The following JHY variants were observed in gnomAD, a reference collection of about 807,000 sequenced individuals.
The protein encoded by JHY is jhy protein homolog.
In JHY, 69 loss-of-function variants were observed where a neutral mutation model predicts 78.0. That is an observed-to-expected ratio of 0.88 (90% CI 0.73 to 1.08). JHY has a LOEUF of 1.08. Ranked by LOEUF, JHY falls within the 50% of genes least tolerant of loss-of-function variation. The pLI, the probability that JHY is intolerant of heterozygous loss-of-function variation, is 0.00. For missense variants in JHY, 944 were observed against 927.8 expected (o/e 1.02, Z -0.23); for synonymous variants, 368 against 342.6 (o/e 1.07, Z -0.82).
intron 2 of JHY, among the ~76,000 whole-genome samples, chr11:122,900,291 C>T (rs1477731191): frequency 6.6e-6 from 1 of 152,144 alleles, no homozygotes; most frequent in Non-Finnish European, 1.5e-5. Context: ...CCTGGGTCCA[C>T]ATTAAGAAAA....
At chr11:122,939,498 G>A (rs540352913) in intron 5 of JHY, among the ~76,000 whole-genome samples, 4 of 152,190 alleles carry the variant, frequency 2.6e-5, no homozygotes, top group African/African-American at 7.2e-5. Flanking sequence ...CTCTGCTTCC[G>A]AAATATTTGC....
intron 4 of JHY, among the ~76,000 whole-genome samples, chr11:122,929,702 A>G (rs911689748): frequency 2.0e-5 from 3 of 152,166 alleles, no homozygotes; most frequent in Non-Finnish European, 2.9e-5. Context: ...AATACCAAAA[A>G]TACAAACAAT....
Position 122,924,898 on chromosome 11 carries a change from T to C in JHY, c.866T>C (p.Ile289Thr), listed in dbSNP as rs992483293. 6.2e-7 allele frequency: 1 copy of C among 1,611,230 alleles called. No homozygotes were observed. The highest frequency in any genetic ancestry group is 1.7e-5 in the Admixed American group (1 of 59,956). ...KKRGESHPEQ[I>T]SYPVRVTDKT... The stretch of plus-strand genomic sequence containing the variant: ...GCTGTATGTGTTTTACCTACCTAGA[T>C]CTCCTACCCCGTCAGAGTAACAGAC... The change falls in exon 4 of 9, where the codon ATC becomes ACC. Residue 289 changes from isoleucine to threonine, a missense_variant and splice_region_variant. By Grantham distance (89) the Ile-to-Thr change is moderately conservative. Transcript: ENST00000227349.
At chr11:122,929,445 G>A (rs538123389) in intron 4 of JHY, among the ~76,000 whole-genome samples, 4 of 152,154 alleles carry the variant, frequency 2.6e-5, no homozygotes, top group African/African-American at 9.6e-5. Context: ...GGACAAATCC[G>A]GGCAAAGGTG....
chr11:122,904,233 T>C lies in JHY; in HGVS notation c.653T>C (p.Leu218Pro), dbSNP rs760182409. The C allele has an allele frequency of 3.7e-6, 6 of 1,614,062 alleles. No individual in the cohort carries two copies. The Middle Eastern group carries it at 6.6e-4, about 177-fold the overall frequency. Reference protein sequence around the residue: ...KPFSELSDSDLEEKSSSLSPY... With the variant: ...KPFSELSDSDPEEKSSSLSPY... ...TTTTCAGAGCTGAGCGACAGTGACC[T>C]GGAGGAGAAGTCGAGCAGCCTTTCT... Residue 218 changes from leucine to proline, a missense_variant, in exon 3 of 9, where the codon CTG becomes CCG. Leu to Pro is a moderately conservative substitution (Grantham distance 98). Transcript: ENST00000227349.
intron 2 of JHY, among the ~76,000 whole-genome samples, chr11:122,901,641 A>C (rs1301666800): frequency 6.6e-6 from 1 of 152,030 alleles, no homozygotes; most frequent in South Asian, 2.1e-4. Flanking sequence ...TTGGAGGCTG[A>C]GGCAGGCAGA....
chr11:122,955,005 A>G (rs969167721), intron 6 of JHY, among the ~76,000 whole-genome samples: 2 of 152,204 alleles, frequency 1.3e-5, no homozygotes, highest in Admixed American at 6.5e-5. Context: ...CCTCTTTTAT[A>G]TCGTCTTTCC....
Position 122,883,761 on chromosome 11 carries a change from AG to A in JHY, c.-90+790del, listed in dbSNP as rs1328556319. Among the ~76,000 whole-genome samples, 2 of 152,240 alleles carry A rather than the reference AG, an allele frequency of 1.3e-5. No homozygotes were observed. The highest frequency in any genetic ancestry group is 4.8e-5 in the African/African-American group (2 of 41,470). On this transcript the variant is annotated intron_variant, in intron 1 of 8. Coordinates refer to ENST00000227349, the MANE Select transcript of JHY (RefSeq NM_024806.4). This position sits in a 1 kb window ranked among gnomAD's most constrained non-coding sequence, Gnocchi z 4.4. ...TTTGGCTTTGCTCTTTGCATACTTT[AG>A]CAAACTTCAGGAATCTGCTAACATC...
chr11:122,930,542 A>G (rs554212303), intron 4 of JHY, among the ~76,000 whole-genome samples: 9 of 152,176 alleles, frequency 5.9e-5, no homozygotes, highest in Non-Finnish European at 8.8e-5. Context: ...CAGCCTATGT[A>G]TTTTTACTTT....
intron 2 of JHY, among the ~76,000 whole-genome samples, chr11:122,899,854 A>G (rs966077472): frequency 1.3e-5 from 2 of 152,278 alleles, no homozygotes; most frequent in African/African-American, 4.8e-5. Context: ...CAACCAATGC[A>G]GAACAGGTAG....
intron 6 of JHY, 71 bp downstream of exon 6, chr11:122,946,863 T>C (rs2135372689): frequency 6.6e-7 from 1 of 1,519,206 alleles, no homozygotes; most frequent in South Asian, 1.3e-5. Context: ...GATGTAATTA[T>C]AGCCCTGGAA....
intron 2 of JHY, among the ~76,000 whole-genome samples, chr11:122,899,556 A>G (rs1320741993): frequency 1.3e-5 from 2 of 152,222 alleles, no homozygotes; most frequent in African/African-American, 4.8e-5. Context: ...TTTTTAGAAA[A>G]GGAGTTATTT....
At chr11:122,955,988 T>C (rs1272632217) in intron 6 of JHY, among the ~76,000 whole-genome samples, 3 of 152,080 alleles carry the variant, frequency 2.0e-5, no homozygotes, top group African/African-American at 7.2e-5. Flanking sequence ...GGCAAAGTAA[T>C]AACATATATG....
At chr11:122,950,709 T>C (rs2135377826) in intron 6 of JHY, among the ~76,000 whole-genome samples, 1 of 152,326 alleles carries the variant, frequency 6.6e-6, no homozygotes, top group South Asian at 2.1e-4. Context: ...TAAATGTTAG[T>C]TTCCTTTTCC....
In JHY at chr11:122,935,075, G is replaced by A. The variant is rs1863725115; in HGVS notation, c.1634G>A (p.Trp545Ter). The change falls in exon 5 of 9, where the codon TGG becomes TAG. Residue 545 changes from tryptophan (W) to a stop codon, truncating the protein, a stop_gained and splice_region_variant. Transcript: ENST00000227349. LOFTEE classifies it high-confidence loss of function. This position sits in a 1 kb window ranked among gnomAD's most constrained non-coding sequence, Gnocchi z 4.5. The stretch of plus-strand genomic sequence containing the variant: ...AAATACAGGAACTTAGAAATGTTAT[G>A]GTAAGAATTCCCTTTTCTCAAGTGG... ...ETKYRNLEML[W>*]KFHSSSDSQT... 1.3e-6 allele frequency: 2 copies of A among 1,559,784 alleles called. No homozygotes were observed. Among genetic ancestry groups the A allele is most frequent in the South Asian group, 2.5e-5 (2 of 81,296 alleles).
intron 4 of JHY, chr11:122,927,306 C>T (rs896512734): frequency 2.6e-5 from 4 of 152,268 alleles, no homozygotes; most frequent in African/African-American, 9.6e-5. Context: ...TTATTCCCTG[C>T]GTGTACTGTA....
intron 3 of JHY, among the ~76,000 whole-genome samples, chr11:122,914,923 A>G (rs989723365): frequency 1.3e-5 from 2 of 152,200 alleles, no homozygotes; most frequent in Non-Finnish European, 2.9e-5. Context: ...TTTTTTCAAT[A>G]CGAGCCATTT....
chr11:122,919,222 G>A (rs1366307478), intron 3 of JHY, among the ~76,000 whole-genome samples: 2 of 151,668 alleles, frequency 1.3e-5, no homozygotes, highest in Non-Finnish European at 2.9e-5. Context: ...GCATGGTGGT[G>A]CACGCCTGTA....
At chr11:122,887,107 TG>T (rs1367353082) in intron 2 of JHY, among the ~76,000 whole-genome samples, 1 of 152,174 alleles carries the variant, frequency 6.6e-6, no homozygotes, top group Non-Finnish European at 1.5e-5. Context: ...GTGAAGTGCA[TG>T]GTGTCTGAAG....
Sources: gnomAD v4.1 joint callset for allele counts (sites outside exome capture counted in the v4.1 genomes callset) on GRCh38, gnomAD v4.1.1 for gene constraint, Gnocchi (gnomAD v3.1) non-coding constraint, MANE v1.5 for transcripts, NCBI Gene and HGNC (gene_info 2026-07-23, HGNC 2026-07-21) for gene names.